The following MZT1 variants were observed in gnomAD, a reference collection of about 807,000 sequenced individuals.
MZT1 encodes the protein mitotic spindle organizing protein 1.
In MZT1, 8 loss-of-function variants were observed where a neutral mutation model predicts 8.5. The observed-to-expected ratio is 0.94, with a 90% CI of 0.55 to 1.70. The LOEUF is 1.70. Ranked by LOEUF, MZT1 falls within the 40% of genes most tolerant of loss-of-function variation. MZT1 has a pLI of 0.00. For synonymous variants in MZT1, 38 were observed against 42.0 expected (o/e 0.90, Z 0.37); for missense variants, 93 against 108.6 (o/e 0.86, Z 0.64).
Position 72,718,965 on chromosome 13 carries a change from G to A in MZT1, c.212C>T (p.Thr71Ile), listed in dbSNP as rs1389079510. Residue 71 changes from threonine to isoleucine, a missense_variant, in exon 2 of 3, where the codon ACT becomes ATT. Coordinates refer to ENST00000377818, the MANE Select transcript of MZT1 (RefSeq NM_001071775.3). ...GGAATCTCCAACCTTCAGTGCTTCAGTAGCCTTGCGAAGCTCCTTAATAAC... is the reference window on the plus strand; with the variant it reads ...GGAATCTCCAACCTTCAGTGCTTCAATAGCCTTGCGAAGCTCCTTAATAAC... ...SSVIKELRKA[T>I]EALKAAENMT... 3.2e-6 allele frequency: 5 copies of A among 1,568,984 alleles called. No individual in the cohort carries two copies. In the South Asian group the frequency reaches 3.6e-5, roughly 11 times the overall value.
chr13:72,715,330 G>A (rs2032524487), intron 2 of MZT1, among the ~76,000 whole-genome samples: 1 of 151,888 alleles, frequency 6.6e-6, no homozygotes, highest in Non-Finnish European at 1.5e-5. Context: ...ATTGTGTCTT[G>A]GAAGTAAATA....
intron 1 of MZT1, among the ~76,000 whole-genome samples, chr13:72,724,057 A>G (rs1024996791): frequency 1.3e-5 from 2 of 152,230 alleles, no homozygotes; most frequent in Non-Finnish European, 2.9e-5. Flanking sequence ...GATGGTCCCT[A>G]CACTAGAGGG....
rs1465896 is a variant in MZT1, at chr13:72,727,590, T to C, written c.13A>G (p.Ser5Gly). ...GCCGCCGCCGCCGCCCCAGCACCGC[T>C]GCTACTCGCCATGGCTAAGGCCGAG... is the stretch of plus-strand genomic sequence containing the variant. MASSSGAGAAAAAAA... is the reference protein window; with the variant it reads MASSGGAGAAAAAAA... The change falls in exon 1 of 3, where the codon AGC (serine) becomes GGC (glycine). Residue 5 changes from serine (S) to glycine (G), a missense_variant. Transcript: ENST00000377818. 1,554,667 of 1,602,956 alleles carry C rather than the reference T, an allele frequency of 0.97. 759,114 individuals carry two copies. The highest frequency in any genetic ancestry group is 0.99 in the Non-Finnish European group (1,164,578 of 1,174,718).
rs376877243 is a variant in MZT1 at position 72,727,515 on chromosome 13, G to A, written c.79+9C>T. ...CACGCAAGGTAAAGGGAGCGCAACG[G>A]AAACTCACCGTCCATGGTCTCCCGC... On this transcript the variant is annotated intron_variant, in intron 1 of 2. Transcript: ENST00000377818. 1.2e-6 allele frequency: 2 copies of A among 1,613,466 alleles called. No individual in the cohort carries two copies. Among genetic ancestry groups the A allele is most frequent in the Middle Eastern group, 1.7e-4 (1 of 6,058 alleles).
intron 2 of MZT1, among the ~76,000 whole-genome samples, chr13:72,718,424 T>C (rs1016762331): frequency 5.3e-4 from 81 of 152,300 alleles, no homozygotes; most frequent in African/African-American, 1.8e-3. Context: ...AATAGCACAA[T>C]TCTAAAAACA....
At chr13:72,714,990 T>C (rs879745427) in intron 2 of MZT1, among the ~76,000 whole-genome samples, 2 of 152,160 alleles carry the variant, frequency 1.3e-5, no homozygotes, top group Non-Finnish European at 2.9e-5. Flanking sequence ...GGGCCACCGT[T>C]CTCCAACCCC....
At chr13:72,716,081 T>A (rs1183585928) in intron 2 of MZT1, among the ~76,000 whole-genome samples, 1 of 152,002 alleles carries the variant, frequency 6.6e-6, no homozygotes, top group Admixed American at 6.6e-5. Context: ...AATGCCTGGC[T>A]AATTTTTTTA....
At chr13:72,720,869 C>A (rs2032586555) in intron 1 of MZT1, among the ~76,000 whole-genome samples, 1 of 151,764 alleles carries the variant, frequency 6.6e-6, no homozygotes, top group Admixed American at 6.6e-5. Context: ...GCCTGGGCAA[C>A]AAGAGCAAAA....
Position 72,727,570 on chromosome 13 carries a change from C to A in MZT1, c.33G>T (p.Ala11=), listed in dbSNP as rs1488262975. MASSSGAGAA[A]AAAAANLNAV... is the part of the protein sequence containing the mutation. ...CATTCAGATTCGCCGCCGCGGCCGC[C>A]GCCGCCGCCCCAGCACCGCTGCTAC... Residue 11 remains alanine, a synonymous_variant, in exon 1 of 3, where the codon GCG becomes GCT. Transcript: ENST00000377818. 1.9e-6 allele frequency: 3 copies of A among 1,595,932 alleles called. No individual in the cohort carries two copies. The East Asian group carries it at 6.8e-5, about 36-fold the overall frequency.
chr13:72,712,821 CA>C (rs1055269911), intron 2 of MZT1, among the ~76,000 whole-genome samples: 1 of 152,126 alleles, frequency 6.6e-6, no homozygotes, highest in African/African-American at 2.4e-5. Context: ...TAGTACAAAA[CA>C]AAAATATCTT....
chr13:72,723,288 T>C (rs2032607669), intron 1 of MZT1, among the ~76,000 whole-genome samples: 1 of 152,250 alleles, frequency 6.6e-6, no homozygotes, highest in Non-Finnish European at 1.5e-5. Flanking sequence ...TGGACACCTA[T>C]TTTTACTTCC....
chr13:72,727,549 C>T lies in MZT1; in HGVS notation c.54G>A (p.Leu18=). ...GAAAAAAAAN[L]NAVRETMDVL... ...CGTCCATGGTCTCCCGCACCGCATT[C>T]AGATTCGCCGCCGCGGCCGCCGCCG... Residue 18 remains leucine (L), a synonymous_variant, in exon 1 of 3, where the codon CTG becomes CTA. Coordinates refer to ENST00000377818, the MANE Select transcript of MZT1 (RefSeq NM_001071775.3). 6.2e-7 allele frequency: 1 copy of T among 1,612,090 alleles called. No individual in the cohort carries two copies. The highest frequency in any genetic ancestry group is 8.5e-7 in the Non-Finnish European group (1 of 1,179,312).
At chr13:72,724,739 T>TATATATATATACACAC (rs1555270942) in intron 1 of MZT1, among the ~76,000 whole-genome samples, 12 of 41,374 alleles carry the variant, frequency 2.9e-4, no homozygotes, top group African/African-American at 6.4e-4. Context: ...TATATATATA[T>TATATATATATACACAC]ACACATATAT....
At chr13:72,716,338 G>T (rs920345034) in intron 2 of MZT1, among the ~76,000 whole-genome samples, 1 of 151,934 alleles carries the variant, frequency 6.6e-6, no homozygotes, top group Admixed American at 6.6e-5. Context: ...GGCAGAAGGG[G>T]GATTATCTGG....
intron 2 of MZT1, among the ~76,000 whole-genome samples, chr13:72,716,881 G>C (rs2032540290): frequency 1.3e-5 from 2 of 152,284 alleles, no homozygotes; most frequent in African/African-American, 2.4e-5. Flanking sequence ...GGCGCTCTTG[G>C]AGTCACTTTT....
chr13:72,714,341 C>A (rs1451080170), intron 2 of MZT1, among the ~76,000 whole-genome samples: 1 of 152,158 alleles, frequency 6.6e-6, no homozygotes, highest in Non-Finnish European at 1.5e-5. Flanking sequence ...AAGGCTGGAA[C>A]TTATACTTAA....
intron 1 of MZT1, among the ~76,000 whole-genome samples, chr13:72,724,701 AATATATATATATATATAC>A (rs1157450274): frequency 3.1e-5 from 1 of 32,642 alleles, no homozygotes; most frequent in African/African-American, 5.5e-5. Context: ...CTTACTACTA[AATATATATATATATATAC>A]ATATATATAT....
intron 2 of MZT1, among the ~76,000 whole-genome samples, chr13:72,712,041 A>G (rs970848278): frequency 6.6e-6 from 1 of 152,108 alleles, no homozygotes; most frequent in East Asian, 1.9e-4. Context: ...ATTTTTTTTT[A>G]AATTTTTTGT....
chr13:72,718,192 T>C (rs541093202), intron 2 of MZT1, among the ~76,000 whole-genome samples: 1 of 152,366 alleles, frequency 6.6e-6, no homozygotes, highest in South Asian at 2.1e-4. Flanking sequence ...TCTAGCTTCT[T>C]ATGGCCACAG....
Sources: allele counts gnomAD v4.1 joint callset (sites outside exome capture counted in the v4.1 genomes callset), GRCh38; gene constraint gnomAD v4.1.1; transcripts MANE v1.5; gene names NCBI Gene and HGNC (gene_info 2026-07-23, HGNC 2026-07-21).